CACNA2D1: variants seen among roughly 807,000 people sequenced by gnomAD.
CACNA2D1 encodes voltage-dependent calcium channel subunit alpha-2/delta-1.
A neutral mutation model predicts 171.5 loss-of-function variants in CACNA2D1; 53 were observed. That is an observed-to-expected ratio of 0.31 (90% CI 0.25 to 0.39). CACNA2D1 has a LOEUF of 0.39. Among genes scored for constraint, CACNA2D1 ranks in the 10% least tolerant of loss-of-function variants. The pLI is 1.00. For synonymous variants in CACNA2D1, 442 were observed against 443.1 expected (o/e 1.00, Z 0.03); for missense variants, 903 against 1,299.8 (o/e 0.69, Z 4.69).
intron 4 of CACNA2D1, among the ~76,000 whole-genome samples, chr7:82,152,453 T>C (rs2129112665): frequency 6.6e-6 from 1 of 152,158 alleles, no homozygotes; most frequent in African/African-American, 2.4e-5. Context: ...GAATTCTTTC[T>C]AGTAAAAGTA....
chr7:82,403,469 A>G (rs554302329), intron 1 of CACNA2D1, among the ~76,000 whole-genome samples: 7 of 152,162 alleles, frequency 4.6e-5, no homozygotes, highest in Non-Finnish European at 1.0e-4. Flanking sequence ...TTTCTCTCCA[A>G]TTGTTCTCAA....
chr7:82,086,618 TTG>T (rs1810512653), intron 6 of CACNA2D1, among the ~76,000 whole-genome samples: 1 of 152,136 alleles, frequency 6.6e-6, no homozygotes, highest in African/African-American at 2.4e-5. Flanking sequence ...AAGAGGAACA[TTG>T]TGTTTTCTCT....
chr7:81,959,956 C>T lies in CACNA2D1; in HGVS notation c.2967-127G>A, dbSNP rs1425527970. 5.7e-6 allele frequency: 8 copies of T among 1,394,868 alleles called. No homozygotes were observed. In the South Asian group the frequency reaches 6.5e-5, roughly 11 times the overall value. The allele number at this position is 1,394,868 out of a possible 1,614,324, so 86.4% of individuals were successfully genotyped here. On this transcript the variant is annotated intron_variant, in intron 36 of 38. Coordinates refer to ENST00000356860, the MANE Select transcript of CACNA2D1 (RefSeq NM_000722.4). ...CATCTGAAACAGAAACCATTCCCAG[C>T]ACAATAGGAGTATGATTTTAGAAGA...
In CACNA2D1 at chr7:82,205,999, T is replaced by A. The variant is rs183130596; in HGVS notation, c.295-35390A>T. On this transcript the variant is annotated intron_variant, in intron 3 of 38. Transcript: ENST00000356860. ...AGTTAAAGAAAAAAACACAAGAATG[T>A]GCTTTTATCTGGAGGTTTCCCATTA... is the stretch of plus-strand genomic sequence containing the variant. 2.0e-5 allele frequency among the ~76,000 whole-genome samples: 3 copies of A among 152,274 alleles called. No individual in the cohort carries two copies. In the East Asian group the frequency reaches 5.8e-4, roughly 29 times the overall value.
intron 3 of CACNA2D1, among the ~76,000 whole-genome samples, chr7:82,277,407 G>A (rs1247527678): frequency 6.6e-6 from 1 of 152,028 alleles, no homozygotes; most frequent in Non-Finnish European, 1.5e-5. Context: ...TCACCATATT[G>A]ACCAGACTGG....
chr7:82,393,111 C>CAGGGAGGGAGGG (rs1413640781), intron 1 of CACNA2D1, among the ~76,000 whole-genome samples: 1 of 86,876 alleles, frequency 1.2e-5, no homozygotes, highest in Admixed American at 1.6e-4. Context: ...GGCAGGCAGG[C>CAGGGAGGGAGGG]AGGGAGGGAG....
intron 18 of CACNA2D1, among the ~76,000 whole-genome samples, chr7:82,005,076 C>T (rs1416968122): frequency 6.6e-6 from 1 of 152,076 alleles, no homozygotes; most frequent in Non-Finnish European, 1.5e-5. Flanking sequence ...ATAAACATTA[C>T]TAATATTTAT....
At chr7:81,996,248 C>G (rs780517211) in intron 19 of CACNA2D1, among the ~76,000 whole-genome samples, 4 of 152,160 alleles carry the variant, frequency 2.6e-5, no homozygotes, top group Admixed American at 1.3e-4. Context: ...GTCCAGACAC[C>G]AAGCTTGTCC....
At chr7:82,030,002 A>G (rs1802466692) in intron 12 of CACNA2D1, 1 of 151,860 alleles carries the variant, frequency 6.6e-6, no homozygotes, top group Admixed American at 6.6e-5. Flanking sequence ...GTTAGCAGAC[A>G]AAGAGCAGGA....
Position 82,044,823 on chromosome 7 carries a change from A to T in CACNA2D1, c.880-6588T>A, listed in dbSNP as rs573376062. Among the ~76,000 whole-genome samples, 20 of 152,294 alleles carry T rather than the reference A, an allele frequency of 1.3e-4. No homozygotes were observed. The South Asian group carries it at 4.1e-3, about 32-fold the overall frequency. Reference sequence around the variant, plus strand: ...TTATTTTGATTTTCATATTTTTCATAGTAGATTTGGACTATAAGAGATTAT... The same window carrying T: ...TTATTTTGATTTTCATATTTTTCATTGTAGATTTGGACTATAAGAGATTAT... On this transcript the variant is annotated intron_variant, in intron 10 of 38. Transcript: ENST00000356860.
chr7:82,381,430 T>C (rs1264899951), intron 1 of CACNA2D1, among the ~76,000 whole-genome samples: 7 of 152,082 alleles, frequency 4.6e-5, no homozygotes, highest in Non-Finnish European at 2.9e-5. Flanking sequence ...ATTAGCTTGG[T>C]GAAGAGCAAC....
chr7:82,411,737 G>GTC (rs1827687229), intron 1 of CACNA2D1, among the ~76,000 whole-genome samples: 1 of 152,012 alleles, frequency 6.6e-6, no homozygotes, highest in African/African-American at 2.4e-5. Context: ...CTGAGTAGCA[G>GTC]TCTTCACTGG....
At chr7:82,261,174 T>C (rs1807043786) in intron 3 of CACNA2D1, among the ~76,000 whole-genome samples, 1 of 152,112 alleles carries the variant, frequency 6.6e-6, no homozygotes, top group African/African-American at 2.4e-5. Flanking sequence ...AGGCTGGTCT[T>C]GAACTCCCGA....
intron 12 of CACNA2D1, among the ~76,000 whole-genome samples, chr7:82,032,216 C>T (rs1372734832): frequency 6.6e-6 from 1 of 152,070 alleles, no homozygotes; most frequent in East Asian, 1.9e-4. Flanking sequence ...ACTACAAACA[C>T]TAATCTTCAC....
intron 3 of CACNA2D1, among the ~76,000 whole-genome samples, chr7:82,266,453 T>G (rs753927364): frequency 2.6e-5 from 4 of 152,170 alleles, no homozygotes; most frequent in Non-Finnish European, 5.9e-5. Flanking sequence ...TAAGAAGTAT[T>G]TTATGAAACC....
At chr7:82,186,723 T>A (rs939999615) in intron 3 of CACNA2D1, among the ~76,000 whole-genome samples, 1 of 152,128 alleles carries the variant, frequency 6.6e-6, no homozygotes, top group Admixed American at 6.5e-5. Flanking sequence ...AAGGTAAGAT[T>A]TCTGGAAAAG....
intron 4 of CACNA2D1, among the ~76,000 whole-genome samples, chr7:82,168,052 G>A (rs1342731780): frequency 1.3e-5 from 2 of 152,014 alleles, no homozygotes; most frequent in Non-Finnish European, 2.9e-5. Context: ...AGAAAATAAG[G>A]GTTACATTTC....
chr7:82,222,635 C>T (rs555856610), intron 3 of CACNA2D1, among the ~76,000 whole-genome samples: 29 of 152,292 alleles, frequency 1.9e-4, no homozygotes, highest in Middle Eastern at 3.4e-3. Context: ...TAACTGCCTA[C>T]TGCTTTTGAC....
intron 3 of CACNA2D1, among the ~76,000 whole-genome samples, chr7:82,266,190 A>C (rs1013369846): frequency 6.6e-6 from 1 of 152,158 alleles, no homozygotes; most frequent in Non-Finnish European, 1.5e-5. Context: ...TGGCTTTTAG[A>C]CAATAATTAG....
Sources: gnomAD v4.1 joint callset for allele counts (sites outside exome capture counted in the v4.1 genomes callset) on GRCh38, gnomAD v4.1.1 for gene constraint, MANE v1.5 for transcripts, NCBI Gene and HGNC (gene_info 2026-07-23, HGNC 2026-07-21) for gene names.